ARHGEF38: variants seen among roughly 807,000 people sequenced by gnomAD.
The protein encoded by ARHGEF38 is Rho guanine nucleotide exchange factor (GEF) 38.
A neutral mutation model predicts 79.9 loss-of-function variants in ARHGEF38; 79 were observed. That is an observed-to-expected ratio of 0.99 (90% CI 0.82 to 1.19). The LOEUF is 1.19. Among genes scored for constraint, ARHGEF38 ranks in the 50% most tolerant of loss-of-function variants. ARHGEF38 has a pLI of 0.00. For synonymous variants in ARHGEF38, 366 were observed against 328.3 expected, an observed-to-expected ratio of 1.11 and a Z score of -1.24; for missense variants, 962 against 907.2, an observed-to-expected ratio of 1.06 and a Z score of -0.78.
chr4:105,637,119 C>A (rs1729428837), intron 5 of ARHGEF38, among the ~76,000 whole-genome samples: 1 of 151,446 alleles, frequency 6.6e-6, no homozygotes, highest in African/African-American at 2.4e-5. Context: ...TTTAAGGTCC[C>A]AAGCTTCTAG....
In ARHGEF38 at chr4:105,645,372, A is replaced by AT. The variant is rs1729795792; in HGVS notation, c.859_860insT (p.Arg287MetfsTer13). The AT allele has an allele frequency of 6.6e-7, 1 of 1,525,298 alleles. No individual in the cohort carries two copies. The highest frequency in any genetic ancestry group is 8.7e-7 in the Non-Finnish European group (1 of 1,143,296). 94.5% of individuals were successfully genotyped at this position (1,525,298 alleles called of 1,614,324 possible). On this transcript the variant is annotated frameshift_variant, in exon 6 of 14. Coordinates refer to ENST00000420470, the MANE Select transcript of ARHGEF38 (RefSeq NM_001242729.2). LOFTEE classifies it high-confidence loss of function. ...TAATGTTAACATCAATGAACTTAAA[A>AT]GAAGGAAAGATTTAGGTAGGAAGAG... is the stretch of plus-strand genomic sequence containing the variant.
chr4:105,588,202 G>C (rs1030132153), intron 1 of ARHGEF38, among the ~76,000 whole-genome samples: 2 of 152,154 alleles, frequency 1.3e-5, no homozygotes, highest in African/African-American at 4.8e-5. Flanking sequence ...ATTTTTTACT[G>C]TACAGACTCT....
At chr4:105,581,128 G>A (rs1419299651) in intron 1 of ARHGEF38, among the ~76,000 whole-genome samples, 5 of 152,088 alleles carry the variant, frequency 3.3e-5, no homozygotes, top group Admixed American at 6.6e-5. Context: ...CCGGTGCCCC[G>A]TAGCCCCATA....
At chr4:105,614,403 CTTTGAGATACACACACA>C (rs763740349) in intron 3 of ARHGEF38, among the ~76,000 whole-genome samples, 5 of 151,960 alleles carry the variant, frequency 3.3e-5, no homozygotes, top group Non-Finnish European at 7.4e-5. Flanking sequence ...TAGATCTTTA[CTTTGAGATACACACACA>C]AAGACTACAC....
At chr4:105,567,622 C>T (rs1487359665) in intron 1 of ARHGEF38, among the ~76,000 whole-genome samples, 1 of 152,156 alleles carries the variant, frequency 6.6e-6, no homozygotes, top group Non-Finnish European at 1.5e-5. Context: ...GTTGATTTAT[C>T]TCATGACTTC....
At chr4:105,658,893 G>A (rs1166033664) in intron 9 of ARHGEF38, among the ~76,000 whole-genome samples, 161 bp from the exon 10 acceptor site, 4 of 152,146 alleles carry the variant, frequency 2.6e-5, no homozygotes, top group African/African-American at 9.7e-5. Context: ...AATAGGTTTA[G>A]CCAGACACAA....
chr4:105,584,499 G>A (rs929379934), intron 1 of ARHGEF38, among the ~76,000 whole-genome samples: 10 of 152,146 alleles, frequency 6.6e-5, no homozygotes, highest in African/African-American at 2.2e-4. Context: ...TGAGAAAATT[G>A]ATACAGGAAG....
intron 3 of ARHGEF38, among the ~76,000 whole-genome samples, chr4:105,628,791 G>A (rs1729061844): frequency 6.6e-6 from 1 of 151,928 alleles, no homozygotes; most frequent in African/African-American, 2.4e-5. Context: ...TATAATCACA[G>A]GAAAATCCCA....
intron 2 of ARHGEF38, among the ~76,000 whole-genome samples, chr4:105,605,339 C>G (rs1455370841): frequency 6.6e-6 from 1 of 152,034 alleles, no homozygotes; most frequent in Non-Finnish European, 1.5e-5. Context: ...TCAGGGACTT[C>G]TCGAGTTTGA....
At chr4:105,658,194 G>A (rs1730414231) in intron 9 of ARHGEF38, among the ~76,000 whole-genome samples, 1 of 152,006 alleles carries the variant, frequency 6.6e-6, no homozygotes, top group African/African-American at 2.4e-5. Flanking sequence ...GATTGCTTGA[G>A]CCTAAGTGCT....
rs750638877 is a variant in ARHGEF38 at position 105,589,381 on chromosome 4, CAAT to C, written c.331_333del (p.Asn111del). On this transcript the variant is annotated inframe_deletion, in exon 2 of 14. Coordinates refer to ENST00000420470, the MANE Select transcript of ARHGEF38 (RefSeq NM_001242729.2). Reference sequence around the variant, plus strand: ...TGATACAGACAGAAAAGGATTATCTCAATGATCTAGAGCTGTGTGTTAGGGAAG... The same window carrying C: ...TGATACAGACAGAAAAGGATTATCTCGATCTAGAGCTGTGTGTTAGGGAAG... 1 of 1,613,962 alleles carries C rather than the reference CAAT, an allele frequency of 6.2e-7. No individual in the cohort carries two copies. The highest frequency in any genetic ancestry group is 2.2e-5 in the East Asian group (1 of 44,872).
intron 5 of ARHGEF38, among the ~76,000 whole-genome samples, chr4:105,640,619 A>G (rs917908332): frequency 1.3e-5 from 2 of 152,116 alleles, no homozygotes; most frequent in Non-Finnish European, 2.9e-5. Flanking sequence ...GTTCTAACTC[A>G]TTTTGGTGGA....
intron 2 of ARHGEF38, among the ~76,000 whole-genome samples, chr4:105,606,735 T>C (rs544434802): frequency 4.0e-4 from 61 of 152,176 alleles, no homozygotes; most frequent in African/African-American, 1.2e-3. Flanking sequence ...TGAACAGATG[T>C]TCATGTTATG....
rs1404385214 is a variant in ARHGEF38, at chr4:105,680,341, ACTTG to A, written c.*2408_*2411del. ...ATCCTAAAAGCTTACTTGTTAGCAC[ACTTG>A]CTTATCTGTCCATTCATTCATTGAA... On this transcript the variant is annotated 3_prime_UTR_variant, in exon 14 of 14. Coordinates refer to ENST00000420470, the MANE Select transcript of ARHGEF38 (RefSeq NM_001242729.2). 7 of 274,798 alleles carry A rather than the reference ACTTG, an allele frequency of 2.5e-5. No homozygotes were observed. Among genetic ancestry groups the A allele is most frequent in the Non-Finnish European group, 5.0e-5 (7 of 140,914 alleles). The allele number at this position is 274,798 out of a possible 1,614,324, so 17.0% of individuals were successfully genotyped here. A position where few individuals can be genotyped will look rare whatever the true frequency, so the allele number is the denominator to read the frequency against.
rs1578253586 is a variant in ARHGEF38, at chr4:105,561,464, A to AGAATAGAATG, written c.196+8512_196+8513insGGAATAGAAT. 6.9e-3 allele frequency: 307 copies of AGAATAGAATG among 44,458 alleles called. 3 individuals carry two copies. Among genetic ancestry groups the AGAATAGAATG allele is most frequent in the Non-Finnish European group, 9.8e-3 (212 of 21,548 alleles). 2.8% of individuals were successfully genotyped at this position (44,458 alleles called of 1,614,324 possible). A position where few individuals can be genotyped will look rare whatever the true frequency, so the allele number is the denominator to read the frequency against. On this transcript the variant is annotated intron_variant, in intron 1 of 13. Coordinates refer to ENST00000420470, the MANE Select transcript of ARHGEF38 (RefSeq NM_001242729.2). ...AGAATAGAATGGAATAGAATAGAAT[A>AGAATAGAATG]GAATAGAATAGAATAGAATAGAATA...
intron 4 of ARHGEF38, among the ~76,000 whole-genome samples, chr4:105,634,604 G>T (rs1729326521): frequency 1.3e-5 from 2 of 152,110 alleles, no homozygotes; most frequent in Non-Finnish European, 2.9e-5. Flanking sequence ...AGAATAGCCT[G>T]TCTGTTGCCT....
At chr4:105,648,819 CCTCTCTCTCTCTCT>C (rs71586108) in intron 7 of ARHGEF38, 137 bp downstream of exon 7, 1 of 490,056 alleles carries the variant, frequency 2.0e-6, no homozygotes, top group South Asian at 4.8e-5. Flanking sequence ...CTCTTGTCTC[CCTCTCTCTCTCTCT>C]CTCTCTCTCT....
At chr4:105,666,413 A>G (rs1045159955) in intron 11 of ARHGEF38, 93 bp downstream of exon 11, 2 of 1,272,032 alleles carry the variant, frequency 1.6e-6, no homozygotes, top group Non-Finnish European at 2.1e-6. Context: ...CACTTATCTC[A>G]TTCTAATATC....
intron 1 of ARHGEF38, among the ~76,000 whole-genome samples, chr4:105,576,223 T>G (rs2110431787): frequency 6.6e-6 from 1 of 152,310 alleles, no homozygotes; most frequent in South Asian, 2.1e-4. Flanking sequence ...ATTGAATCTG[T>G]ACATTGCTTT....
Sources: allele counts gnomAD v4.1 joint callset (sites outside exome capture counted in the v4.1 genomes callset), GRCh38; gene constraint gnomAD v4.1.1; transcripts MANE v1.5; gene names NCBI Gene and HGNC (gene_info 2026-07-23, HGNC 2026-07-21).